Variants in QSER1 observed in about 807,000 individuals in gnomAD.
QSER1 encodes glutamine and serine rich 1.
A neutral mutation model predicts 158.5 loss-of-function variants in QSER1; 49 were observed. The ratio of observed to expected loss-of-function variants is 0.31; its 90% CI spans 0.25 to 0.39. QSER1 has a LOEUF of 0.39. Ranked by LOEUF, QSER1 falls within the 10% of genes least tolerant of loss-of-function variation. The pLI is 1.00. For synonymous variants in QSER1, 650 were observed against 715.5 expected, an observed-to-expected ratio of 0.91 and a Z score of 1.46; for missense variants, 1,754 against 2,010.3, an observed-to-expected ratio of 0.87 and a Z score of 2.44.
intron 3 of QSER1, among the ~76,000 whole-genome samples, chr11:32,928,668 TTATATC>T (rs1380986859): frequency 1.3e-5 from 2 of 152,186 alleles, no homozygotes; most frequent in Admixed American, 1.3e-4. Flanking sequence ...TCATCAGAAA[TTATATC>T]TATATATTTC....
intron 9 of QSER1, among the ~76,000 whole-genome samples, chr11:32,967,744 G>A (rs959119920): frequency 6.6e-6 from 1 of 152,144 alleles, no homozygotes; most frequent in African/African-American, 2.4e-5. Context: ...CTTGAAACTG[G>A]CAGAGAAAGG....
At chr11:32,969,561 G>A (rs946411636) in intron 10 of QSER1, among the ~76,000 whole-genome samples, 3 of 151,964 alleles carry the variant, frequency 2.0e-5, no homozygotes, top group African/African-American at 7.2e-5. Context: ...ATATATCTTG[G>A]CAATATAAGT....
At chr11:32,925,296 A>G (rs1851953105) in intron 1 of QSER1, among the ~76,000 whole-genome samples, 1 of 152,166 alleles carries the variant, frequency 6.6e-6, no homozygotes, top group African/African-American at 2.4e-5. Flanking sequence ...AAAGATTTGA[A>G]TAAACTTCAC....
chr11:32,973,655 T>C (rs551875821), intron 11 of QSER1, 106 bp downstream of exon 11: 4 of 1,131,472 alleles, frequency 3.5e-6, no homozygotes, highest in African/African-American at 3.1e-5. Flanking sequence ...TGTCATTAAG[T>C]GTGAAGGTTT....
In QSER1 at chr11:32,933,080, T is replaced by C. The variant is rs921916037; in HGVS notation, c.1822T>C (p.Ser608Pro). 8 of 1,613,760 alleles carry C rather than the reference T, an allele frequency of 5.0e-6. No individual in the cohort carries two copies. The Admixed American group carries it at 6.7e-5, about 13-fold the overall frequency. ...TAPSLSYSSA[S>P]RAQNLPDSSP... ...CCCTTCTCTTTCTTATTCTTCTGCC[T>C]CTCGGGCTCAGAATTTGCCAGACTC... is the stretch of plus-strand genomic sequence containing the variant. The change falls in exon 4 of 13, where the codon TCT becomes CCT. Residue 608 changes from serine (S) to proline (P), a missense_variant. Transcript: ENST00000650167.
Position 32,956,020 on chromosome 11 carries a change from A to G in QSER1, c.4650A>G (p.Lys1550=), listed in dbSNP as rs764619032. The G allele has an allele frequency of 6.2e-6, 10 of 1,608,148 alleles. No homozygotes were observed. In the African/African-American group the frequency reaches 1.3e-4, roughly 22 times the overall value. ...YLGYFGDAKS[K]YKRIYVKFIE... is the part of the protein sequence containing the mutation. ...GATATTTTGGAGATGCAAAGAGTAA[A>G]TACAAAAGAATATATGTGAAGTTCA... The change falls in exon 7 of 13, where the codon AAA becomes AAG. Residue 1550 remains lysine, a synonymous_variant. Transcript: ENST00000650167.
chr11:32,900,620 G>A (rs1851612963), intron 1 of QSER1, among the ~76,000 whole-genome samples: 1 of 151,652 alleles, frequency 6.6e-6, no homozygotes, highest in Non-Finnish European at 1.5e-5. Flanking sequence ...CTAAGCCTCA[G>A]CTAATTTCTC....
intron 4 of QSER1, among the ~76,000 whole-genome samples, chr11:32,938,966 C>A (rs1421229792): frequency 6.6e-6 from 1 of 152,070 alleles, no homozygotes; most frequent in Non-Finnish European, 1.5e-5. Flanking sequence ...AGTATAAAAA[C>A]CCATCCCTAG....
intron 1 of QSER1, among the ~76,000 whole-genome samples, chr11:32,896,643 C>T (rs1478946822): frequency 6.6e-6 from 1 of 152,190 alleles, no homozygotes; most frequent in African/African-American, 2.4e-5. Context: ...CCCATTTTGG[C>T]CTCCCAAAGT....
intron 1 of QSER1, among the ~76,000 whole-genome samples, chr11:32,898,527 C>T (rs1055807018): frequency 1.5e-5 from 2 of 137,026 alleles, no homozygotes; most frequent in Non-Finnish European, 3.2e-5. Context: ...CACACACACA[C>T]ACATTGTAAT....
Position 32,933,023 on chromosome 11 carries a change from T to A in QSER1, c.1765T>A (p.Tyr589Asn). 5.0e-6 allele frequency: 8 copies of A among 1,612,606 alleles called. No individual in the cohort carries two copies. The highest frequency in any genetic ancestry group is 6.8e-6 in the Non-Finnish European group (8 of 1,179,996). The change falls in exon 4 of 13, where the codon TAT becomes AAT. Residue 589 changes from tyrosine to asparagine, a missense_variant. Tyr to Asn is a moderately radical substitution (Grantham distance 143). Coordinates refer to ENST00000650167, the MANE Select transcript of QSER1 (RefSeq NM_001076786.3). ...VLSVVSLSES[Y>N]ASGESLTLTA... is the part of the protein sequence containing the mutation. Reference sequence around the variant, plus strand: ...GTCAGTTGTTAGTCTTTCAGAAAGCTATGCTTCAGGGGAGTCCCTAACATT... The same window carrying A: ...GTCAGTTGTTAGTCTTTCAGAAAGCAATGCTTCAGGGGAGTCCCTAACATT...
intron 1 of QSER1, among the ~76,000 whole-genome samples, chr11:32,894,080 G>A (rs1205045747): frequency 6.6e-6 from 1 of 152,098 alleles, no homozygotes; most frequent in African/African-American, 2.4e-5. Context: ...ATGGGGCGGG[G>A]GTTGGGGTGG....
intron 10 of QSER1, 58 bp from the exon 11 acceptor site, chr11:32,973,339 G>C (rs1590190882): frequency 1.3e-5 from 20 of 1,573,270 alleles, no homozygotes; most frequent in Non-Finnish European, 1.7e-5. Flanking sequence ...TAGATAGCTA[G>C]AAGTAGTTTA....
Position 32,932,499 on chromosome 11 carries a change from C to T in QSER1, c.1241C>T (p.Thr414Ile), listed in dbSNP as rs79552406. The T allele has an allele frequency of 1.2e-6, 2 of 1,613,894 alleles. No homozygotes were observed. The highest frequency in any genetic ancestry group is 2.2e-5 in the East Asian group (1 of 44,902). Residue 414 changes from threonine to isoleucine, a missense_variant, in exon 4 of 13, where the codon ACA becomes ATA. Around this residue, in one of 2 missense-constraint regions of QSER1, gnomAD observed 1,707 missense variants for 1,919.6 expected, o/e 0.89. Transcript: ENST00000650167. ...ACTACAAAAATAAAAAGCTGTTCTACAGAACAACCACTGACATCAACCAAG... is the reference window on the plus strand; with the variant it reads ...ACTACAAAAATAAAAAGCTGTTCTATAGAACAACCACTGACATCAACCAAG... Reference protein sequence around the residue: ...PSTTKIKSCSTEQPLTSTKTP... With the variant: ...PSTTKIKSCSIEQPLTSTKTP...
rs1036644072 is a variant in QSER1, at chr11:32,973,383, T to G, written c.5206-14T>G. On this transcript the variant is annotated splice_polypyrimidine_tract_variant and intron_variant, in intron 10 of 12. Transcript: ENST00000650167. ...TTCTTCTGGTGTCAGTTATTTTGCT[T>G]CATTGTTTTCCAGAATGCTTTGGAA... The G allele has an allele frequency of 5.6e-6, 9 of 1,612,362 alleles. No homozygotes were observed. The African/African-American group carries it at 9.3e-5, about 17-fold the overall frequency.
At chr11:32,952,448 C>G (rs1282382451) in intron 4 of QSER1, among the ~76,000 whole-genome samples, 1 of 151,984 alleles carries the variant, frequency 6.6e-6, no homozygotes, top group Non-Finnish European at 1.5e-5. Context: ...CTTTGCATTC[C>G]TAAGATAAAT....
At chr11:32,964,739 TACACACACACACACACACAC>T (rs1176492165) in intron 8 of QSER1, among the ~76,000 whole-genome samples, 2 of 100,758 alleles carry the variant, frequency 2.0e-5, no homozygotes, top group African/African-American at 8.2e-5. Flanking sequence ...TATATATATA[TACACACACACACACACACAC>T]ACACACACAC....
intron 3 of QSER1, among the ~76,000 whole-genome samples, chr11:32,928,653 G>A (rs936146750): frequency 1.3e-4 from 19 of 151,954 alleles, no homozygotes; most frequent in African/African-American, 4.1e-4. Flanking sequence ...CTTTTCAACC[G>A]TTTCTCATCA....
chr11:32,951,827 T>C lies in QSER1; in HGVS notation c.4178-2030T>C, dbSNP rs542618616. Among the ~76,000 whole-genome samples the C allele has an allele frequency of 2.1e-5, 3 of 141,046 alleles. No homozygotes were observed. In the East Asian group the frequency reaches 6.7e-4, roughly 31 times the overall value. The allele number at this position is 141,046 out of a possible 152,430, so 92.5% of individuals were successfully genotyped here. On this transcript the variant is annotated intron_variant, in intron 4 of 12. Coordinates refer to ENST00000650167, the MANE Select transcript of QSER1 (RefSeq NM_001076786.3). The stretch of plus-strand genomic sequence containing the variant: ...TTTTAGTTCTAATAGTTTTTTAGTA[T>C]ATTCCTTGGGATTTTTTTTTTTTTT...
Sources: gnomAD v4.1 joint callset for allele counts (sites outside exome capture counted in the v4.1 genomes callset) on GRCh38, gnomAD v4.1.1 for gene constraint, gnomAD v4.1.1 regional missense constraint, MANE v1.5 for transcripts, NCBI Gene and HGNC (gene_info 2026-07-23, HGNC 2026-07-21) for gene names.